PTPRD: variants seen among roughly 807,000 people sequenced by gnomAD.
PTPRD encodes the protein receptor-type tyrosine-protein phosphatase delta.
Under a neutral mutation model 214.5 loss-of-function variants are expected in PTPRD, and 34 were observed. The observed-to-expected ratio is 0.16, with a 90% confidence interval of 0.12 to 0.21. The LOEUF (loss-of-function observed/expected upper bound fraction) is 0.21. Among genes scored for constraint, PTPRD ranks in the 10% least tolerant of loss-of-function variants. The pLI, the probability that PTPRD is intolerant of heterozygous loss-of-function variation, is 1.00. For synonymous variants in PTPRD, 1,128 were observed against 845.7 expected, an observed-to-expected ratio of 1.33 and a Z score of -5.79; for missense variants, 2,545 against 2,398.7, an observed-to-expected ratio of 1.06 and a Z score of -1.27.
chr9:10,300,660 T>C (rs114220819), intron 3 of PTPRD, among the ~76,000 whole-genome samples: 5,269 of 152,186 alleles, frequency 0.035, 305 homozygotes, highest in Admixed American at 0.16. Flanking sequence ...AAGTTTGAAA[T>C]GGGCTGAGCC....
At chr9:8,559,383 A>G (rs73640931) in intron 14 of PTPRD, among the ~76,000 whole-genome samples, 29,466 of 152,148 alleles carry the variant, frequency 0.19, 3,202 homozygotes, top group African/African-American at 0.3. Context: ...GAACTATATC[A>G]ATTTAAAAAT....
chr9:10,012,751 C>T (rs2096627547), intron 4 of PTPRD, among the ~76,000 whole-genome samples: 1 of 151,838 alleles, frequency 6.6e-6, no homozygotes, highest in Admixed American at 6.6e-5. Flanking sequence ...AAAAGGAAAA[C>T]CCCGAGTGTG....
intron 2 of PTPRD, among the ~76,000 whole-genome samples, chr9:10,377,121 T>G (rs2097746148): frequency 6.6e-6 from 1 of 151,928 alleles, no homozygotes; most frequent in Non-Finnish European, 1.5e-5. Context: ...ATTATTTTCG[T>G]TTTTAGATCC....
chr9:8,799,033 T>C (rs2096511916), intron 11 of PTPRD, among the ~76,000 whole-genome samples: 1 of 152,162 alleles, frequency 6.6e-6, no homozygotes, highest in Non-Finnish European at 1.5e-5. Context: ...ACTGAGCATA[T>C]TTATCCTAGA....
At position 10,590,647 on chromosome 9, in the gene PTPRD, A is replaced by T. The variant is rs747858160; in HGVS notation, c.-600+21751T>A. ...TCATTCTTGAGTGTATCAGTAGTTC[A>T]TTCTTTTTTATTGCTGTATAGTATT... On this transcript the variant is annotated intron_variant, in intron 2 of 45. Transcript: ENST00000381196. Among the ~76,000 whole-genome samples, 121 of 152,050 alleles carry T rather than the reference A, an allele frequency of 8.0e-4. 1 individual carries two copies. The highest frequency in any genetic ancestry group is 1.5e-3 in the Non-Finnish European group (103 of 67,924).
chr9:9,583,492 C>A (rs924476312), intron 7 of PTPRD, among the ~76,000 whole-genome samples: 1 of 152,134 alleles, frequency 6.6e-6, no homozygotes, highest in South Asian at 2.1e-4. Context: ...TCATAATTTT[C>A]CTTAGTTGAC....
chr9:10,315,412 A>G (rs1195545965), intron 3 of PTPRD, among the ~76,000 whole-genome samples: 2 of 151,838 alleles, frequency 1.3e-5, no homozygotes, highest in Admixed American at 1.3e-4. Flanking sequence ...CAGTATACTT[A>G]CCTCTTCTGA....
chr9:8,668,897 T>C (rs1186411347), intron 12 of PTPRD, among the ~76,000 whole-genome samples: 2 of 152,138 alleles, frequency 1.3e-5, no homozygotes, highest in African/African-American at 2.4e-5. Context: ...AACAATTACA[T>C]ACCTTGAGCT....
At chr9:10,277,623 A>C (rs1284855150) in intron 3 of PTPRD, among the ~76,000 whole-genome samples, 1 of 152,220 alleles carries the variant, frequency 6.6e-6, no homozygotes, top group East Asian at 1.9e-4. Context: ...TCGAGGGTTA[A>C]CTTTCCTGAT....
At chr9:10,360,872 A>G (rs1051929037) in intron 2 of PTPRD, among the ~76,000 whole-genome samples, 29 of 152,224 alleles carry the variant, frequency 1.9e-4, no homozygotes, top group South Asian at 1.0e-3. Context: ...GGAGGCCAAG[A>G]CGGGCAGATC....
At chr9:10,602,635 C>T (rs10123930) in intron 2 of PTPRD, among the ~76,000 whole-genome samples, 56,512 of 151,476 alleles carry the variant, frequency 0.37, 11,214 homozygotes, top group East Asian at 0.48. Context: ...TACAATGTGA[C>T]GCAGTGGTGT....
At chr9:8,932,643 G>C (rs1207111393) in intron 11 of PTPRD, among the ~76,000 whole-genome samples, 2 of 152,198 alleles carry the variant, frequency 1.3e-5, no homozygotes, top group African/African-American at 2.4e-5. Flanking sequence ...TGCCCAGTCT[G>C]AACTTCCCAG....
At chr9:9,447,155 C>T (rs182863913) in intron 8 of PTPRD, among the ~76,000 whole-genome samples, 9 of 152,160 alleles carry the variant, frequency 5.9e-5, no homozygotes, top group East Asian at 5.8e-4. Flanking sequence ...CCCAGCAATC[C>T]GATTACTGAG....
At chr9:8,836,624 G>A (rs1361708195) in intron 11 of PTPRD, among the ~76,000 whole-genome samples, 4 of 111,944 alleles carry the variant, frequency 3.6e-5, no homozygotes, top group Admixed American at 1.3e-4. Context: ...TTAAGACGGA[G>A]TCTCGCTCTG....
chr9:9,770,135 T>G (rs1261608479), intron 5 of PTPRD, among the ~76,000 whole-genome samples: 1 of 152,192 alleles, frequency 6.6e-6, no homozygotes, highest in Non-Finnish European at 1.5e-5. Flanking sequence ...GTAATGAGAT[T>G]GCTGGGTCAA....
intron 3 of PTPRD, among the ~76,000 whole-genome samples, chr9:10,315,317 T>C (rs1015638753): frequency 6.6e-6 from 1 of 151,842 alleles, no homozygotes; most frequent in Non-Finnish European, 1.5e-5. Flanking sequence ...ATGAGATATA[T>C]CTAAATCATC....
At chr9:9,006,059 T>G (rs953846805) in intron 11 of PTPRD, among the ~76,000 whole-genome samples, 1 of 151,986 alleles carries the variant, frequency 6.6e-6, no homozygotes, top group African/African-American at 2.4e-5. Context: ...TAGAACAAAA[T>G]GCATCAATGA....
intron 3 of PTPRD, among the ~76,000 whole-genome samples, chr9:10,302,414 C>G (rs1302432657): frequency 1.3e-5 from 2 of 152,236 alleles, no homozygotes; most frequent in East Asian, 3.9e-4. Flanking sequence ...TCACACATAA[C>G]AATATTAACC....
chr9:9,270,140 T>C (rs1384197123), intron 9 of PTPRD, among the ~76,000 whole-genome samples: 2 of 151,238 alleles, frequency 1.3e-5, no homozygotes, highest in South Asian at 4.2e-4. Context: ...GTAGCTTAAT[T>C]GTGGTCATCA....
Sources: gnomAD v4.1 joint callset for allele counts (sites outside exome capture counted in the v4.1 genomes callset) on GRCh38, gnomAD v4.1.1 for gene constraint, MANE v1.5 for transcripts, NCBI Gene and HGNC (gene_info 2026-07-23, HGNC 2026-07-21) for gene names.